Variants in CAMSAP2 observed in about 807,000 individuals in gnomAD.
The protein encoded by CAMSAP2 is calmodulin regulated spectrin associated protein family member 2, also known as calmodulin-regulated spectrin-associated protein 2.
In CAMSAP2, 26 loss-of-function variants were observed where a neutral mutation model predicts 146.1. The observed-to-expected ratio is 0.18, with a 90% CI of 0.13 to 0.25. The LOEUF (loss-of-function observed/expected upper bound fraction) is 0.25. Among genes scored for constraint, CAMSAP2 ranks in the 10% least tolerant of loss-of-function variants. The pLI, the probability that CAMSAP2 is intolerant of heterozygous loss-of-function variation, is 1.00. For missense variants in CAMSAP2, 1,381 were observed against 1,759.3 expected, an observed-to-expected ratio of 0.78 and a Z score of 3.85; for synonymous variants, 499 against 596.6, an observed-to-expected ratio of 0.84 and a Z score of 2.38.
At position 200,848,331 on chromosome 1, in the gene CAMSAP2, A is replaced by T; in HGVS notation, c.1562A>T (p.Asn521Ile). Reference sequence around the variant, plus strand: ...GAGAATATTCATTACAAGCTTCCAAATGGAGCTTTACAAAATAGAATACTT... The same window carrying T: ...GAGAATATTCATTACAAGCTTCCAATTGGAGCTTTACAAAATAGAATACTT... Reference protein sequence around the residue: ...SNENIHYKLPNGALQNRILLD... With the variant: ...SNENIHYKLPIGALQNRILLD... Residue 521 changes from asparagine (N) to isoleucine (I), a missense_variant, in exon 11 of 17, where the codon AAT becomes ATT. Around this residue, in one of 4 missense-constraint regions of CAMSAP2, gnomAD observed 447 missense variants for 462.2 expected, o/e 0.97. Transcript: ENST00000358823. 1 of 1,613,888 alleles carries T rather than the reference A, an allele frequency of 6.2e-7. No homozygotes were observed. Among genetic ancestry groups the T allele is most frequent in the Non-Finnish European group, 8.5e-7 (1 of 1,179,886 alleles).
At chr1:200,831,696 C>G (rs1187696661) in intron 4 of CAMSAP2, among the ~76,000 whole-genome samples, 1 of 151,454 alleles carries the variant, frequency 6.6e-6, no homozygotes, top group East Asian at 1.9e-4. Flanking sequence ...GATAATAACC[C>G]AGAATGTCTT....
At chr1:200,852,362 T>A (rs1251586507) in intron 11 of CAMSAP2, among the ~76,000 whole-genome samples, 179 bp from the exon 12 acceptor site, 2 of 152,218 alleles carry the variant, frequency 1.3e-5, no homozygotes, top group African/African-American at 4.8e-5. Context: ...TTGATGGAAC[T>A]GTTACCACTG....
At chr1:200,748,652 G>A (rs1664411869) in intron 1 of CAMSAP2, among the ~76,000 whole-genome samples, 1 of 151,472 alleles carries the variant, frequency 6.6e-6, no homozygotes, top group Non-Finnish European at 1.5e-5. Flanking sequence ...GTCCTATAAA[G>A]TCTCCTACAG....
intron 11 of CAMSAP2, among the ~76,000 whole-genome samples, chr1:200,851,807 A>G (rs1334245467): frequency 6.6e-6 from 1 of 152,184 alleles, no homozygotes. Context: ...ATTGGCAGGG[A>G]CAGTTGACAA....
intron 2 of CAMSAP2, among the ~76,000 whole-genome samples, chr1:200,791,371 T>A (rs1665747446): frequency 6.6e-6 from 1 of 152,208 alleles, no homozygotes; most frequent in Admixed American, 6.5e-5. Context: ...CCGTTGGGGA[T>A]TTTTAAAGCT....
At chr1:200,846,542 A>G (rs1161199185) in intron 8 of CAMSAP2, among the ~76,000 whole-genome samples, 1 of 152,156 alleles carries the variant, frequency 6.6e-6, no homozygotes, top group Non-Finnish European at 1.5e-5. Flanking sequence ...CCATTATTCT[A>G]GGCTATTCTG....
At chr1:200,777,861 G>A (rs1665324298) in intron 2 of CAMSAP2, among the ~76,000 whole-genome samples, 1 of 152,286 alleles carries the variant, frequency 6.6e-6, no homozygotes, top group East Asian at 1.9e-4. Flanking sequence ...GATGGCTTGT[G>A]CCTGGGAGGT....
At chr1:200,743,301 CTAT>C (rs35019081) in intron 1 of CAMSAP2, among the ~76,000 whole-genome samples, 20,389 of 152,186 alleles carry the variant, frequency 0.13, 1,404 homozygotes, top group East Asian at 0.17. Flanking sequence ...ATCTTCTCAA[CTAT>C]TATTCTCCTT....
chr1:200,818,291 A>G (rs920105800), intron 4 of CAMSAP2, among the ~76,000 whole-genome samples: 6 of 152,178 alleles, frequency 3.9e-5, no homozygotes, highest in Non-Finnish European at 7.4e-5. Flanking sequence ...ACAATCAAAT[A>G]AAGTGATCTT....
chr1:200,750,111 G>A (rs1482682585), intron 1 of CAMSAP2, among the ~76,000 whole-genome samples: 1 of 152,178 alleles, frequency 6.6e-6, no homozygotes, highest in East Asian at 1.9e-4. Flanking sequence ...GTAGAGAATG[G>A]TTTGGAGCGG....
In CAMSAP2 at chr1:200,849,870, A is replaced by G. The variant is rs148338670; in HGVS notation, c.3101A>G (p.Lys1034Arg). 26 of 1,614,204 alleles carry G rather than the reference A, an allele frequency of 1.6e-5. No homozygotes were observed. In the African/African-American group the frequency reaches 3.2e-4, roughly 20 times the overall value. ...DDGEPQLKES[K>R]PKEEVKKEEL... The stretch of plus-strand genomic sequence containing the variant: ...GGAGAACCTCAGTTAAAGGAATCCA[A>G]ACCTAAAGAGGAAGTTAAAAAGGAG... The change falls in exon 11 of 17, where the codon AAA becomes AGA. Residue 1034 changes from lysine to arginine, a missense_variant. Lys to Arg is a conservative substitution (Grantham distance 26). This residue lies in a region of CAMSAP2 where 560 missense variants were observed against 715.9 expected (regional missense o/e 0.78). Transcript: ENST00000358823. The surrounding 1 kb of genome is among the most constrained non-coding windows in gnomAD (Gnocchi z 6.3).
chr1:200,816,942 ATGTGTGTACACACACACGCGTGTGTATG>A (rs1666561772), intron 4 of CAMSAP2, among the ~76,000 whole-genome samples: 1 of 69,594 alleles, frequency 1.4e-5, no homozygotes, highest in African/African-American at 6.2e-5. Context: ...ACGCGTGTGT[ATGTGTGTACACACACACGCGTGTGTATG>A]TGTATATATC....
rs1407970380 is a variant in CAMSAP2 at position 200,857,836 on chromosome 1, G to A, written c.4214G>A (p.Cys1405Tyr). 8.1e-6 allele frequency: 13 copies of A among 1,613,500 alleles called. No homozygotes were observed. Among genetic ancestry groups the A allele is most frequent in the African/African-American group, 4.0e-5 (3 of 74,864 alleles). Residue 1405 changes from cysteine (C) to tyrosine (Y), a missense_variant, in exon 17 of 17, where the codon TGC (cysteine) becomes TAC (tyrosine). This residue lies in a region of CAMSAP2 where 90 missense variants were observed against 174.4 expected (regional missense o/e 0.52). Transcript: ENST00000358823. This position sits in a 1 kb window ranked among gnomAD's most constrained non-coding sequence, Gnocchi z 4.7. Reference protein sequence around the residue: ...GCQFRSLYTYCPETEEINKLT... With the variant: ...GCQFRSLYTYYPETEEINKLT... ...CAGTTCAGATCTTTATACACTTATTGCCCAGAAACTGAAGAAATCAATAAA... is the reference window on the plus strand; with the variant it reads ...CAGTTCAGATCTTTATACACTTATTACCCAGAAACTGAAGAAATCAATAAA...
chr1:200,807,524 A>C lies in CAMSAP2; in HGVS notation c.548A>C (p.Tyr183Ser). ...LPYDIEDAVMYWINKVNEHLK... is the reference protein window; with the variant it reads ...LPYDIEDAVMSWINKVNEHLK... ...TATGATATTGAGGACGCTGTCATGT[A>C]CTGGATAAATAAGGTAGGATTATAC... The change falls in exon 3 of 17, where the codon TAC (tyrosine) becomes TCC (serine). Residue 183 changes from tyrosine (Y) to serine (S), a missense_variant. By Grantham distance (144) the Tyr-to-Ser change is moderately radical. This residue lies in a region of CAMSAP2 where 284 missense variants were observed against 406.9 expected (regional missense o/e 0.70). Transcript: ENST00000358823. The C allele has an allele frequency of 6.2e-7, 1 of 1,603,124 alleles. No individual in the cohort carries two copies. The highest frequency in any genetic ancestry group is 1.1e-5 in the South Asian group (1 of 88,798).
At chr1:200,825,549 C>T (rs1188767295) in intron 4 of CAMSAP2, among the ~76,000 whole-genome samples, 2 of 151,266 alleles carry the variant, frequency 1.3e-5, no homozygotes, top group Non-Finnish European at 2.9e-5. Context: ...CTCTGCCACC[C>T]AGGCTGGAGT....
chr1:200,818,534 C>T (rs1571795684), intron 4 of CAMSAP2, among the ~76,000 whole-genome samples: 1 of 152,014 alleles, frequency 6.6e-6, no homozygotes, highest in Admixed American at 6.6e-5. Context: ...TGAATTTTAT[C>T]CTTTTCCCCC....
intron 2 of CAMSAP2, among the ~76,000 whole-genome samples, chr1:200,803,519 G>C (rs1290971343): frequency 1.3e-5 from 2 of 150,796 alleles, no homozygotes; most frequent in East Asian, 3.9e-4. Context: ...TTAGCCTTGA[G>C]TTTATTTTTT....
At chr1:200,747,905 T>A (rs1056408555) in intron 1 of CAMSAP2, among the ~76,000 whole-genome samples, 1 of 147,182 alleles carries the variant, frequency 6.8e-6, no homozygotes, top group African/African-American at 2.5e-5. Flanking sequence ...GAGAATGGCG[T>A]GAACCCGGGA....
chr1:200,743,880 G>T (rs1305859631), intron 1 of CAMSAP2, among the ~76,000 whole-genome samples: 2 of 152,050 alleles, frequency 1.3e-5, no homozygotes, highest in Non-Finnish European at 2.9e-5. Context: ...AGTGGAGGTT[G>T]CAGTGAGCCG....
Sources: allele counts gnomAD v4.1 joint callset (sites outside exome capture counted in the v4.1 genomes callset), GRCh38; gene constraint gnomAD v4.1.1; regional missense constraint gnomAD v4.1.1; non-coding constraint Gnocchi (gnomAD v3.1); transcripts MANE v1.5; gene names NCBI Gene and HGNC (gene_info 2026-07-23, HGNC 2026-07-21).